The following GALNT10 variants were observed in gnomAD, a reference collection of about 807,000 sequenced individuals.
The protein encoded by GALNT10 is polypeptide N-acetylgalactosaminyltransferase 10, also known as GalNAc transferase 10.
Under a neutral mutation model 75.0 loss-of-function variants are expected in GALNT10, and 41 were observed. That is an observed-to-expected ratio of 0.55 (90% confidence interval 0.43 to 0.71). GALNT10 has a LOEUF of 0.71. Among genes scored for constraint, GALNT10 ranks in the 30% least tolerant of loss-of-function variants. The pLI, the probability that GALNT10 is intolerant of heterozygous loss-of-function variation, is 0.00. For synonymous variants in GALNT10, 302 were observed against 313.0 expected (o/e 0.96, Z 0.37); for missense variants, 727 against 818.5 (o/e 0.89, Z 1.36).
chr5:154,396,499 T>G (rs1756022286), intron 7 of GALNT10, among the ~76,000 whole-genome samples: 1 of 51,736 alleles, frequency 1.9e-5, no homozygotes, highest in Admixed American at 2.2e-4. Context: ...GTCCAGACCT[T>G]AGGAAAACAC....
intron 1 of GALNT10, among the ~76,000 whole-genome samples, chr5:154,217,660 C>A (rs1230784049): frequency 6.6e-6 from 1 of 152,196 alleles, no homozygotes; most frequent in African/African-American, 2.4e-5. Flanking sequence ...TGTCCACACC[C>A]CTGTCACCAA....
intron 1 of GALNT10, among the ~76,000 whole-genome samples, chr5:154,248,226 AG>A (rs1328692049): frequency 6.6e-6 from 1 of 152,230 alleles, no homozygotes; most frequent in Admixed American, 6.5e-5. Flanking sequence ...TATTTTATTG[AG>A]GATTTTTGCA....
Position 154,403,701 on chromosome 5 carries a change from G to T in GALNT10, c.1057-403G>T, listed in dbSNP as rs560811439. 30 of 293,006 alleles carry T rather than the reference G, an allele frequency of 1.0e-4. No homozygotes were observed. In the East Asian group the frequency reaches 1.9e-3, roughly 19 times the overall value. The allele number at this position is 293,006 out of a possible 1,614,324, so 18.2% of individuals were successfully genotyped here. ...ATTCTCAACACAGCACTCCATAGTG[G>T]ATTAGAGCTCAGATTCTGAAGTCAG... On this transcript the variant is annotated intron_variant, in intron 7 of 11. Transcript: ENST00000297107.
intron 1 of GALNT10, among the ~76,000 whole-genome samples, chr5:154,258,499 T>C (rs1437069730): frequency 6.6e-6 from 1 of 152,224 alleles, no homozygotes; most frequent in Non-Finnish European, 1.5e-5. Flanking sequence ...GTGTGACTTG[T>C]CTAGTGAGGA....
chr5:154,366,879 A>ATTGCTAT (rs1755482802), intron 4 of GALNT10, among the ~76,000 whole-genome samples: 1 of 151,902 alleles, frequency 6.6e-6, no homozygotes, highest in Non-Finnish European at 1.5e-5. Context: ...AATAGTAACC[A>ATTGCTAT]TGGTATGTCA....
chr5:154,322,312 G>C (rs1754687977), intron 3 of GALNT10, among the ~76,000 whole-genome samples: 1 of 152,036 alleles, frequency 6.6e-6, no homozygotes, highest in Non-Finnish European at 1.5e-5. Context: ...CTGGGCTCAC[G>C]ACCCTTTTCC....
intron 1 of GALNT10, among the ~76,000 whole-genome samples, chr5:154,210,567 G>A (rs534726731): frequency 6.6e-6 from 1 of 152,340 alleles, no homozygotes; most frequent in Admixed American, 6.5e-5. Flanking sequence ...CTTACAATAA[G>A]TGTGATTATT....
intron 4 of GALNT10, among the ~76,000 whole-genome samples, chr5:154,362,983 A>G (rs1375636829): frequency 6.6e-6 from 1 of 152,234 alleles, no homozygotes; most frequent in Non-Finnish European, 1.5e-5. Context: ...CCACTTGGGC[A>G]GAAGAACTCT....
chr5:154,330,908 G>GGTGTGTGTGTGTGTGTGTGTGTGTGTGT (rs370103391), intron 4 of GALNT10, among the ~76,000 whole-genome samples: 6 of 126,036 alleles, frequency 4.8e-5, no homozygotes, highest in African/African-American at 1.6e-4. Context: ...AGACAGAGAG[G>GGTGTGTGTGTGTGTGTGTGTGTGTGTGT]GTGTGTGTGT....
intron 1 of GALNT10, among the ~76,000 whole-genome samples, chr5:154,206,293 C>T (rs1775108253): frequency 6.6e-6 from 1 of 152,212 alleles, no homozygotes; most frequent in Non-Finnish European, 1.5e-5. Flanking sequence ...TGAATAAACA[C>T]ATGGTACATA....
intron 4 of GALNT10, among the ~76,000 whole-genome samples, chr5:154,355,980 G>C (rs1755284498): frequency 6.6e-6 from 1 of 152,180 alleles, no homozygotes; most frequent in South Asian, 2.1e-4. Context: ...CATAGACCGA[G>C]TACCTGGCTG....
intron 1 of GALNT10, among the ~76,000 whole-genome samples, chr5:154,215,829 A>G (rs910541410): frequency 6.6e-5 from 10 of 152,182 alleles, no homozygotes; most frequent in African/African-American, 9.7e-5. Flanking sequence ...CTACTGAGTT[A>G]TTAGGGGTAA....
chr5:154,284,581 C>T (rs1054019230), intron 1 of GALNT10, among the ~76,000 whole-genome samples: 13 of 152,170 alleles, frequency 8.5e-5, no homozygotes, highest in Non-Finnish European at 1.8e-4. Context: ...GCAGCCCTTG[C>T]TCCTGCCCAG....
At chr5:154,407,966 A>G (rs1343410419) in intron 8 of GALNT10, among the ~76,000 whole-genome samples, 1 of 152,210 alleles carries the variant, frequency 6.6e-6, no homozygotes, top group Non-Finnish European at 1.5e-5. Flanking sequence ...CCATTACTCC[A>G]GAGTCAGCAG....
intron 4 of GALNT10, among the ~76,000 whole-genome samples, chr5:154,333,006 G>A (rs967468294): frequency 8.5e-5 from 13 of 152,140 alleles, no homozygotes; most frequent in African/African-American, 3.1e-4. Flanking sequence ...ATCTAGGCCC[G>A]TGACTTTGTG....
chr5:154,216,679 C>T (rs1474018943), intron 1 of GALNT10, among the ~76,000 whole-genome samples: 1 of 152,198 alleles, frequency 6.6e-6, no homozygotes, highest in Non-Finnish European at 1.5e-5. Flanking sequence ...TGAAAACCTA[C>T]CAGCTTCTCA....
At chr5:154,238,244 A>G (rs1012182653) in intron 1 of GALNT10, among the ~76,000 whole-genome samples, 4 of 152,100 alleles carry the variant, frequency 2.6e-5, no homozygotes, top group Non-Finnish European at 4.4e-5. Flanking sequence ...CCGTGCTTTA[A>G]GTGAATTTTC....
intron 1 of GALNT10, among the ~76,000 whole-genome samples, chr5:154,196,448 T>G (rs1774940448): frequency 6.6e-6 from 1 of 152,210 alleles, no homozygotes; most frequent in Admixed American, 6.5e-5. Context: ...TATTGGCTCC[T>G]GTGACTGTAG....
intron 1 of GALNT10, among the ~76,000 whole-genome samples, chr5:154,217,429 A>AG (rs1376493374): frequency 6.6e-6 from 1 of 151,868 alleles, no homozygotes; most frequent in Non-Finnish European, 1.5e-5. Context: ...AGACAGTGAG[A>AG]GGGTGGTTGG....
Sources: gnomAD v4.1 joint callset for allele counts (sites outside exome capture counted in the v4.1 genomes callset) on GRCh38, gnomAD v4.1.1 for gene constraint, MANE v1.5 for transcripts, NCBI Gene and HGNC (gene_info 2026-07-23, HGNC 2026-07-21) for gene names.